Variants in TSPAN5 observed in about 807,000 individuals in gnomAD.
TSPAN5 encodes tetraspanin-5.
In TSPAN5, 10 loss-of-function variants were observed where a neutral mutation model predicts 37.1. The ratio of observed to expected loss-of-function variants is 0.27; its 90% CI spans 0.17 to 0.46. The LOEUF (loss-of-function observed/expected upper bound fraction) is 0.46. Ranked by LOEUF, TSPAN5 falls within the 20% of genes least tolerant of loss-of-function variation. TSPAN5 has a pLI of 1.00. For missense variants in TSPAN5, 195 were observed against 326.6 expected (o/e 0.60, Z 3.11); for synonymous variants, 110 against 118.9 (o/e 0.93, Z 0.48).
At chr4:98,643,490 T>C (rs888118274) in intron 1 of TSPAN5, among the ~76,000 whole-genome samples, 1 of 152,250 alleles carries the variant, frequency 6.6e-6, no homozygotes, top group African/African-American at 2.4e-5. Context: ...ATATATTTTA[T>C]ATTTAAGTGG....
chr4:98,606,329 CAAAAG>C (rs756074591), intron 1 of TSPAN5, among the ~76,000 whole-genome samples: 3 of 152,116 alleles, frequency 2.0e-5, no homozygotes, highest in Non-Finnish European at 4.4e-5. Flanking sequence ...CTGTACTTTT[CAAAAG>C]AAAACAGGAC....
At chr4:98,563,570 A>T (rs991985514) in intron 1 of TSPAN5, among the ~76,000 whole-genome samples, 3 of 152,234 alleles carry the variant, frequency 2.0e-5, no homozygotes, top group Non-Finnish European at 4.4e-5. Flanking sequence ...ATACACATGC[A>T]CACAGACACA....
chr4:98,533,951 A>AAAAAACAAAAC (rs1553912227), intron 1 of TSPAN5, among the ~76,000 whole-genome samples: 9 of 144,432 alleles, frequency 6.2e-5, no homozygotes, highest in Non-Finnish European at 1.1e-4. Flanking sequence ...AAAAAAAAAA[A>AAAAAACAAAAC]AAAAAAAAAA....
intron 1 of TSPAN5, among the ~76,000 whole-genome samples, chr4:98,517,111 CA>C: frequency 6.6e-6 from 1 of 152,194 alleles, no homozygotes; most frequent in South Asian, 2.1e-4. Flanking sequence ...AATCCTGTGA[CA>C]AGCTTACAGT....
chr4:98,576,839 A>G (rs1048902533), intron 1 of TSPAN5, among the ~76,000 whole-genome samples: 1 of 152,180 alleles, frequency 6.6e-6, no homozygotes, highest in Non-Finnish European at 1.5e-5. Flanking sequence ...AGCTCACTGC[A>G]ACCTCCACCT....
chr4:98,544,535 C>T (rs368028194), intron 1 of TSPAN5, among the ~76,000 whole-genome samples: 2 of 152,334 alleles, frequency 1.3e-5, no homozygotes, highest in African/African-American at 4.8e-5. Context: ...GAATGCAGTT[C>T]TGACCCCTGG....
chr4:98,481,336 G>C (rs1380841533), intron 4 of TSPAN5, among the ~76,000 whole-genome samples: 1 of 152,100 alleles, frequency 6.6e-6, no homozygotes, highest in Non-Finnish European at 1.5e-5. Context: ...TGCATTCTGA[G>C]TGAAACGGGA....
chr4:98,588,292 G>C (rs950163062), intron 1 of TSPAN5, among the ~76,000 whole-genome samples: 1 of 152,002 alleles, frequency 6.6e-6, no homozygotes, highest in African/African-American at 2.4e-5. Context: ...CACATGAATG[G>C]GGTGGCCAGT....
intron 1 of TSPAN5, among the ~76,000 whole-genome samples, chr4:98,519,621 C>T (rs1753810206): frequency 6.6e-6 from 1 of 152,316 alleles, no homozygotes; most frequent in South Asian, 2.1e-4. Context: ...GCTTAAACAA[C>T]TTGGCAGGCT....
At chr4:98,525,652 C>A (rs556605431) in intron 1 of TSPAN5, among the ~76,000 whole-genome samples, 16 of 151,932 alleles carry the variant, frequency 1.1e-4, no homozygotes, top group Admixed American at 7.9e-4. Flanking sequence ...TCTCGGCTCA[C>A]TGCAACCTCC....
At chr4:98,543,489 C>T (rs1045434913) in intron 1 of TSPAN5, among the ~76,000 whole-genome samples, 1 of 151,016 alleles carries the variant, frequency 6.6e-6, no homozygotes, top group Non-Finnish European at 1.5e-5. Flanking sequence ...GATCTCGGCT[C>T]ACCACAACCT....
At chr4:98,551,141 T>TG (rs35113420) in intron 1 of TSPAN5, among the ~76,000 whole-genome samples, 14,936 of 152,214 alleles carry the variant, frequency 0.098, 1,297 homozygotes, top group African/African-American at 0.23. Flanking sequence ...GACGATCATA[T>TG]GTTTTTGTCC....
intron 1 of TSPAN5, among the ~76,000 whole-genome samples, chr4:98,541,604 G>C (rs973156301): frequency 2.6e-5 from 4 of 151,362 alleles, no homozygotes; most frequent in African/African-American, 7.3e-5. Flanking sequence ...GAACCCAGGA[G>C]GGGGAGGGTG....
chr4:98,630,308 A>C lies in TSPAN5; in HGVS notation c.81+27838T>G, dbSNP rs1460354058. Among the ~76,000 whole-genome samples the C allele has an allele frequency of 2.0e-5, 3 of 152,354 alleles. No homozygotes were observed. In the East Asian group the frequency reaches 5.8e-4, roughly 29 times the overall value. ...GGCCTGATGGAGAAAACAACATGGC[A>C]CATGTTCTGCTCAGCAAATCCCTAC... On this transcript the variant is annotated intron_variant, in intron 1 of 7. Coordinates refer to ENST00000305798, the MANE Select transcript of TSPAN5 (RefSeq NM_005723.4).
chr4:98,598,316 A>G (rs1159472910), intron 1 of TSPAN5, among the ~76,000 whole-genome samples: 1 of 143,222 alleles, frequency 7.0e-6, no homozygotes, highest in African/African-American at 2.7e-5. Context: ...GCGCACACAC[A>G]CTGGCCTGCG....
At chr4:98,527,385 AATAC>A (rs1379546941) in intron 1 of TSPAN5, among the ~76,000 whole-genome samples, 1 of 152,206 alleles carries the variant, frequency 6.6e-6, no homozygotes, top group Non-Finnish European at 1.5e-5. Flanking sequence ...AATCAATTTA[AATAC>A]ACTCCAAATT....
At chr4:98,609,907 A>C (rs917893983) in intron 1 of TSPAN5, among the ~76,000 whole-genome samples, 15 of 152,092 alleles carry the variant, frequency 9.9e-5, no homozygotes, top group Non-Finnish European at 1.9e-4. Context: ...TGCCTGACTG[A>C]TTTCTCTGGC....
chr4:98,526,927 T>C (rs904157535), intron 1 of TSPAN5, among the ~76,000 whole-genome samples: 2 of 152,154 alleles, frequency 1.3e-5, no homozygotes, highest in Admixed American at 1.3e-4. Context: ...TCATGAAAAA[T>C]GAAGAGTGAG....
chr4:98,548,385 A>C (rs1264227634), intron 1 of TSPAN5, among the ~76,000 whole-genome samples: 1 of 152,184 alleles, frequency 6.6e-6, no homozygotes, highest in Admixed American at 6.5e-5. Flanking sequence ...AGAGGAATAT[A>C]AAAAAAGTAA....
Sources: allele counts gnomAD v4.1 joint callset (sites outside exome capture counted in the v4.1 genomes callset), GRCh38; gene constraint gnomAD v4.1.1; transcripts MANE v1.5; gene names NCBI Gene and HGNC (gene_info 2026-07-23, HGNC 2026-07-21).